The following ZNF493 variants were observed in gnomAD, a reference collection of about 807,000 sequenced individuals.
ZNF493 encodes zinc finger protein 493.
ZNF493 carries 11 observed loss-of-function variants against 12.2 expected under a neutral mutation model. The ratio of observed to expected loss-of-function variants is 0.90; its 90% CI spans 0.57 to 1.50. The LOEUF (loss-of-function observed/expected upper bound fraction) is 1.50, where lower values mean the gene tolerates loss of function less well. Among genes scored for constraint, ZNF493 ranks in the 40% most tolerant of loss-of-function variants. ZNF493 has a pLI of 0.00. For missense variants in ZNF493, 950 were observed against 906.6 expected (o/e 1.05, Z -0.61); for synonymous variants, 286 against 302.6 (o/e 0.95, Z 0.57).
intron 3 of ZNF493, 121 bp from the exon 4 acceptor site, chr19:21,422,792 C>A (rs1433564340): frequency 1.6e-5 from 13 of 820,750 alleles, no homozygotes; most frequent in South Asian, 1.1e-4. Flanking sequence ...GAATTAGAGC[C>A]TTTGGTATTT....
At chr19:21,405,451 T>C in intron 2 of ZNF493, 196 bp downstream of exon 2, 1 of 1,399,742 alleles carries the variant, frequency 7.1e-7, no homozygotes, top group Non-Finnish European at 9.2e-7. Context: ...TTTTTACATT[T>C]CTGAGCCGGT....
intron 3 of ZNF493, among the ~76,000 whole-genome samples, chr19:21,421,613 C>T (rs1384100837): frequency 6.6e-6 from 1 of 152,176 alleles, no homozygotes; most frequent in Non-Finnish European, 1.5e-5. Context: ...GATCCACCCA[C>T]CTCAGCCTCC....
intron 1 of ZNF493, chr19:21,397,728 G>T (rs1361762841): frequency 6.6e-6 from 2 of 302,226 alleles, no homozygotes; most frequent in Non-Finnish European, 1.2e-5. Context: ...GAATTGTAGA[G>T]CACCCAGCTA....
At chr19:21,413,528 G>T in intron 3 of ZNF493, 1 of 401,902 alleles carries the variant, frequency 2.5e-6, no homozygotes, top group Non-Finnish European at 4.4e-6. Flanking sequence ...TGTGTTCGAC[G>T]TGTGTTGCTT....
At chr19:21,401,370 T>G (rs1317543393) in intron 1 of ZNF493, among the ~76,000 whole-genome samples, 2 of 152,214 alleles carry the variant, frequency 1.3e-5, no homozygotes, top group Non-Finnish European at 2.9e-5. Flanking sequence ...TTCTTGAGGA[T>G]ATTTTCATCA....
intron 3 of ZNF493, among the ~76,000 whole-genome samples, chr19:21,406,947 G>T (rs1384346892): frequency 6.6e-6 from 1 of 151,836 alleles, no homozygotes. Context: ...AAATTTATTT[G>T]TGTCTTGCCT....
intron 3 of ZNF493, chr19:21,407,977 T>G (rs1449108344): frequency 2.0e-6 from 2 of 985,244 alleles, no homozygotes; most frequent in Admixed American, 1.2e-4. Flanking sequence ...TCTTTTCTTG[T>G]GTTCCCCAGG....
At chr19:21,412,093 G>A (rs1353991288) in intron 3 of ZNF493, 1 of 152,158 alleles carries the variant, frequency 6.6e-6, no homozygotes, top group Non-Finnish European at 1.5e-5. Context: ...CACACACACA[G>A]AAATATAGAG....
rs761682430 is a variant in ZNF493 at position 21,424,493 on chromosome 19, C to T, written c.1834C>T (p.Arg612Ter). 44 of 1,612,480 alleles carry T rather than the reference C, an allele frequency of 2.7e-5. No homozygotes were observed. The highest frequency in any genetic ancestry group is 3.3e-4 in the Middle Eastern group (2 of 6,072). ...KCEECGKAFN[R>*]SSILSIHKKI... is the part of the protein sequence containing the mutation. The stretch of plus-strand genomic sequence containing the variant: ...TGAAGAATGTGGCAAAGCTTTTAAC[C>T]GATCTTCAATCCTTAGTATACATAA... Residue 612 changes from arginine to a stop codon, truncating the protein, a stop_gained, in exon 4 of 4, where the codon CGA becomes TGA. Transcript: ENST00000392288. LOFTEE classifies it low-confidence loss of function (END_TRUNC).
intron 3 of ZNF493, among the ~76,000 whole-genome samples, chr19:21,410,880 T>C (rs545436067): frequency 1.4e-4 from 22 of 152,122 alleles, no homozygotes; most frequent in African/African-American, 5.1e-4. Flanking sequence ...GCAACTTCTG[T>C]CTTCCAAGTT....
intron 1 of ZNF493, among the ~76,000 whole-genome samples, chr19:21,402,753 T>G (rs1281759305): frequency 6.6e-6 from 1 of 152,228 alleles, no homozygotes; most frequent in Non-Finnish European, 1.5e-5. Context: ...TACAGTTATA[T>G]GAGAGGCTCC....
chr19:21,420,657 A>T, intron 3 of ZNF493, among the ~76,000 whole-genome samples: 1 of 38,076 alleles, frequency 2.6e-5, no homozygotes, highest in African/African-American at 8.8e-5. Flanking sequence ...TTTTTTTTTC[A>T]GAACTTTGAC....
At chr19:21,410,222 C>G (rs781762379) in intron 3 of ZNF493, among the ~76,000 whole-genome samples, 4 of 151,798 alleles carry the variant, frequency 2.6e-5, no homozygotes, top group Non-Finnish European at 5.9e-5. Context: ...CATATTTTGA[C>G]TATAAATTCA....
chr19:21,404,578 A>G (rs2030052386), intron 1 of ZNF493, among the ~76,000 whole-genome samples: 1 of 152,210 alleles, frequency 6.6e-6, no homozygotes. Flanking sequence ...CTTTGTTTAC[A>G]GGGCAGAAAA....
At chr19:21,400,627 C>A (rs751712266) in intron 1 of ZNF493, among the ~76,000 whole-genome samples, 8 of 152,008 alleles carry the variant, frequency 5.3e-5, no homozygotes, top group Non-Finnish European at 7.4e-5. Context: ...TCTGGAGAGC[C>A]TCCCCTGCAG....
Position 21,425,141 on chromosome 19 carries a change from A to C in ZNF493, c.*157A>C, listed in dbSNP as rs540476006. 3.3e-5 allele frequency: 30 copies of C among 895,676 alleles called. No homozygotes were observed. In the East Asian group the frequency reaches 6.7e-4, roughly 20 times the overall value. The allele number at this position is 895,676 out of a possible 1,614,324, so 55.5% of individuals were successfully genotyped here. The stretch of plus-strand genomic sequence containing the variant: ...GTGGCAAAGATTTCTATTGATTCTC[A>C]TACCTTACTAAATATAAGATAATTC... On this transcript the variant is annotated 3_prime_UTR_variant, in exon 4 of 4. Coordinates refer to ENST00000392288, the MANE Select transcript of ZNF493 (RefSeq NM_001076678.3).
At position 21,423,785 on chromosome 19, in the gene ZNF493, C is replaced by A. The variant is rs1315827089; in HGVS notation, c.1126C>A (p.Pro376Thr). 1 of 1,613,118 alleles carries A rather than the reference C, an allele frequency of 6.2e-7. No individual in the cohort carries two copies. Among genetic ancestry groups the A allele is most frequent in the Non-Finnish European group, 8.5e-7 (1 of 1,179,380 alleles). Residue 376 changes from proline to threonine, a missense_variant, in exon 4 of 4, where the codon CCC becomes ACC. Coordinates refer to ENST00000392288, the MANE Select transcript of ZNF493 (RefSeq NM_001076678.3). ...TAAAAGAATTCATACTGGAGAGAAA[C>A]CCTACAAATGTGAAGAATGTGGCAA... Reference protein sequence around the residue: ...THKRIHTGEKPYKCEECGKAF... With the variant: ...THKRIHTGEKTYKCEECGKAF...
Position 21,423,662 on chromosome 19 carries a change from A to T in ZNF493, c.1003A>T (p.Thr335Ser), listed in dbSNP as rs887706849. 1 of 1,609,884 alleles carries T rather than the reference A, an allele frequency of 6.2e-7. No homozygotes were observed. The highest frequency in any genetic ancestry group is 8.5e-7 in the Non-Finnish European group (1 of 1,179,628). Reference sequence around the variant, plus strand: ...TGGCAAAGCCTTTAGTATTTTCTCAACCCCTACTAAACATAAGATAATTCA... The same window carrying T: ...TGGCAAAGCCTTTAGTATTTTCTCATCCCCTACTAAACATAAGATAATTCA... ...ECGKAFSIFS[T>S]PTKHKIIHTE... Residue 335 changes from threonine to serine, a missense_variant, in exon 4 of 4, where the codon ACC (threonine) becomes TCC (serine). Coordinates refer to ENST00000392288, the MANE Select transcript of ZNF493 (RefSeq NM_001076678.3).
chr19:21,409,791 T>C (rs2359145), intron 3 of ZNF493, among the ~76,000 whole-genome samples: 21,114 of 152,090 alleles, frequency 0.14, 1,968 homozygotes, highest in Non-Finnish European at 0.21. Context: ...TTCACATTGT[T>C]ATGCAAAAGA....
Sources: gnomAD v4.1 joint callset for allele counts (sites outside exome capture counted in the v4.1 genomes callset) on GRCh38, gnomAD v4.1.1 for gene constraint, MANE v1.5 for transcripts, NCBI Gene and HGNC (gene_info 2026-07-23, HGNC 2026-07-21) for gene names.